Variants in ZNF236 observed in about 807,000 individuals in gnomAD.
The protein encoded by ZNF236 is regulated by glucose.
Under a neutral mutation model 191.2 loss-of-function variants are expected in ZNF236, and 50 were observed. The ratio of observed to expected loss-of-function variants is 0.26; its 90% CI spans 0.21 to 0.33. The LOEUF is 0.33. Ranked by LOEUF, ZNF236 falls within the 10% of genes least tolerant of loss-of-function variation. ZNF236 has a pLI of 1.00. For missense variants in ZNF236, 1,754 were observed against 2,374.5 expected, an observed-to-expected ratio of 0.74 and a Z score of 5.43; for synonymous variants, 907 against 928.8, an observed-to-expected ratio of 0.98 and a Z score of 0.43.
At position 76,880,599 on chromosome 18, in the gene ZNF236, CTATT is replaced by C. The variant is rs1976864351; in HGVS notation, c.1188+287_1188+290del. ...AGAACAGGCTTTTCCGAAGTTGTATCTATTTATGTTGACAGAGGTGGAAAAAGCG... is the reference window on the plus strand; with the variant it reads ...AGAACAGGCTTTTCCGAAGTTGTATCTATGTTGACAGAGGTGGAAAAAGCG... On this transcript the variant is annotated intron_variant, in intron 8 of 30. Transcript: ENST00000320610. This position sits in a 1 kb window ranked among gnomAD's most constrained non-coding sequence, Gnocchi z 5.0. Among the ~76,000 whole-genome samples, 1 of 151,390 alleles carries C rather than the reference CTATT, an allele frequency of 6.6e-6. No homozygotes were observed. Among genetic ancestry groups the C allele is most frequent in the Admixed American group, 6.6e-5 (1 of 15,192 alleles).
intron 3 of ZNF236, among the ~76,000 whole-genome samples, chr18:76,859,863 A>T (rs140824583): frequency 1.3e-5 from 2 of 152,154 alleles, no homozygotes; most frequent in African/African-American, 4.8e-5. Context: ...CACCAAAAAC[A>T]TGGGGTGGCC....
At chr18:76,843,538 G>A (rs1365594579) in intron 1 of ZNF236, among the ~76,000 whole-genome samples, 3 of 135,106 alleles carry the variant, frequency 2.2e-5, no homozygotes, top group African/African-American at 8.3e-5. Flanking sequence ...AGCACTTTGG[G>A]AGGCAGAGGT....
At chr18:76,910,256 A>T in intron 15 of ZNF236, 87 bp downstream of exon 15, 2 of 1,170,652 alleles carry the variant, frequency 1.7e-6, no homozygotes, top group Non-Finnish European at 2.5e-6. Context: ...GTTTTCTCTT[A>T]AGGCCCTTCT....
chr18:76,959,977 T>C (rs470402), intron 29 of ZNF236, among the ~76,000 whole-genome samples, 161 bp downstream of exon 29: 151,395 of 152,318 alleles, frequency 0.99, 75,247 homozygotes, highest in East Asian at 1. Context: ...ACCTATTTAT[T>C]GTCATAACTA....
chr18:76,925,219 G>A lies in ZNF236; in HGVS notation c.3692G>A (p.Ser1231Asn). Residue 1231 changes from serine to asparagine, a missense_variant, in exon 22 of 31, where the codon AGC (serine) becomes AAC (asparagine). By Grantham distance (46) the Ser-to-Asn change is conservative (BLOSUM62 1). Transcript: ENST00000320610. This position sits in a 1 kb window ranked among gnomAD's most constrained non-coding sequence, Gnocchi z 5.7. Reference protein sequence around the residue: ...GQKLFSCHVCSNAFSTKGSLK... With the variant: ...GQKLFSCHVCNNAFSTKGSLK... ...AAGCTCTTCAGCTGTCACGTCTGCA[G>A]CAACGCCTTCTCCACGAAGGGAAGT... is the stretch of plus-strand genomic sequence containing the variant. 3 of 1,614,100 alleles carry A rather than the reference G, an allele frequency of 1.9e-6. No individual in the cohort carries two copies. The highest frequency in any genetic ancestry group is 2.5e-6 in the Non-Finnish European group (3 of 1,180,004).
intron 21 of ZNF236, among the ~76,000 whole-genome samples, 162 bp downstream of exon 21, chr18:76,923,336 A>G (rs1967590648): frequency 6.6e-6 from 1 of 152,232 alleles, no homozygotes; most frequent in African/African-American, 2.4e-5. Flanking sequence ...TATTCCTGAC[A>G]CAGGGAAAAC....
At chr18:76,922,080 GT>G (rs1967551938) in intron 20 of ZNF236, among the ~76,000 whole-genome samples, 1 of 152,176 alleles carries the variant, frequency 6.6e-6, no homozygotes, top group Non-Finnish European at 1.5e-5. Context: ...TGAGTCATAG[GT>G]ATTTTTCTTC....
In ZNF236 at chr18:76,972,138, G is replaced by A. The variant is rs1031545568; in HGVS notation, c.*3799G>A. Among the ~76,000 whole-genome samples the A allele has an allele frequency of 1.3e-5, 2 of 152,184 alleles. No individual in the cohort carries two copies. Among genetic ancestry groups the A allele is most frequent in the Non-Finnish European group, 2.9e-5 (2 of 68,022 alleles). On this transcript the variant is annotated 3_prime_UTR_variant, in exon 31 of 31. Transcript: ENST00000320610. ...AATGAAATTTCAAAAGCGCCTACAC[G>A]CACCACCCAATTTAATGTCGTATCT...
At chr18:76,908,679 A>G in intron 14 of ZNF236, 106 bp downstream of exon 14, 1 of 1,411,026 alleles carries the variant, frequency 7.1e-7, no homozygotes, top group Non-Finnish European at 9.5e-7. Flanking sequence ...TTTTAAAACA[A>G]TTTGTGCTGT....
At position 76,910,810 on chromosome 18, in the gene ZNF236, T is replaced by TA. The variant is rs1199864920; in HGVS notation, c.2805dup (p.Thr936AsnfsTer37). ...GCTCCCAGCTCTGATGGGATGAATGTAGTGAGTATGGACAGAGGGGTGCAT... is the reference window on the plus strand; with the variant it reads ...GCTCCCAGCTCTGATGGGATGAATGTAAGTGAGTATGGACAGAGGGGTGCAT... On this transcript the variant is annotated frameshift_variant and splice_region_variant, in exon 16 of 31. Coordinates refer to ENST00000320610, the MANE Select transcript of ZNF236 (RefSeq NM_001306089.2). LOFTEE classifies it high-confidence loss of function. The TA allele has an allele frequency of 6.2e-7, 1 of 1,614,130 alleles. No homozygotes were observed. Among genetic ancestry groups the TA allele is most frequent in the African/African-American group, 1.3e-5 (1 of 75,044 alleles).
chr18:76,902,774 A>G (rs774030049), intron 11 of ZNF236, among the ~76,000 whole-genome samples: 6 of 147,418 alleles, frequency 4.1e-5, no homozygotes, highest in Non-Finnish European at 6.1e-5. Flanking sequence ...TTTTTTAAGT[A>G]GAGACGGGGT....
chr18:76,946,317 T>C (rs116844391), intron 26 of ZNF236, among the ~76,000 whole-genome samples: 2,402 of 152,334 alleles, frequency 0.016, 29 homozygotes, highest in Middle Eastern at 0.02. Flanking sequence ...CCTTCCACCA[T>C]GATCATGAGG....
chr18:76,952,817 A>C (rs1968439511), intron 27 of ZNF236, among the ~76,000 whole-genome samples: 2 of 152,196 alleles, frequency 1.3e-5, no homozygotes, highest in Non-Finnish European at 2.9e-5. Context: ...AAGAAAACAA[A>C]AAAACAAAAC....
chr18:76,894,267 C>T (rs547296983), intron 9 of ZNF236, among the ~76,000 whole-genome samples: 8 of 152,360 alleles, frequency 5.3e-5, no homozygotes, highest in African/African-American at 1.7e-4. Flanking sequence ...CACTGTCCTG[C>T]TCCATCCTGA....
intron 1 of ZNF236, chr18:76,834,978 GTT>G (rs35789549): frequency 2.1e-5 from 3 of 145,642 alleles, no homozygotes; most frequent in South Asian, 1.9e-4. Context: ...TTTATTTTCT[GTT>G]TTTTTTTTTT....
intron 13 of ZNF236, 85 bp downstream of exon 13, chr18:76,905,500 T>G: frequency 7.1e-7 from 1 of 1,407,716 alleles, no homozygotes; most frequent in Non-Finnish European, 9.6e-7. Context: ...ATAATTGTCT[T>G]TGATTCTTAC....
rs1482938651 is a variant in ZNF236, at chr18:76,927,668, C to G, written c.4414+151C>G. The G allele has an allele frequency of 1.8e-6, 2 of 1,126,562 alleles. No homozygotes were observed. Among genetic ancestry groups the G allele is most frequent in the Admixed American group, 6.0e-5 (2 of 33,480 alleles). 69.8% of individuals were successfully genotyped at this position (1,126,562 alleles called of 1,614,324 possible). A position where few individuals can be genotyped will look rare whatever the true frequency, so the allele number is the denominator to read the frequency against. On this transcript the variant is annotated intron_variant, in intron 24 of 30. Transcript: ENST00000320610. This position sits in a 1 kb window ranked among gnomAD's most constrained non-coding sequence, Gnocchi z 5.4. ...TGTCCTGAGAATAAAATAAGCTTTT[C>G]TTACAATTAATGATATGTATTTAAT...
At chr18:76,876,680 G>A (rs1194730191) in intron 6 of ZNF236, among the ~76,000 whole-genome samples, 1 of 152,210 alleles carries the variant, frequency 6.6e-6, no homozygotes. Context: ...GTGAGGTACT[G>A]AGGTTACCTT....
chr18:76,920,378 T>G (rs939586936), intron 20 of ZNF236, among the ~76,000 whole-genome samples: 7 of 151,946 alleles, frequency 4.6e-5, no homozygotes, highest in Admixed American at 1.3e-4. Flanking sequence ...TGGAGAAACC[T>G]GGTCTCTACT....
Sources: allele counts gnomAD v4.1 joint callset (sites outside exome capture counted in the v4.1 genomes callset), GRCh38; gene constraint gnomAD v4.1.1; non-coding constraint Gnocchi (gnomAD v3.1); transcripts MANE v1.5; gene names NCBI Gene and HGNC (gene_info 2026-07-23, HGNC 2026-07-21).